The following SMPD3 variants were observed in gnomAD, a reference collection of about 807,000 sequenced individuals.
SMPD3 encodes the protein nSMase-2.
Under a neutral mutation model 55.7 loss-of-function variants are expected in SMPD3, and 21 were observed. That is an observed-to-expected ratio of 0.38 (90% CI 0.27 to 0.54). The LOEUF (loss-of-function observed/expected upper bound fraction) is 0.54. Ranked by LOEUF, SMPD3 falls within the 20% of genes least tolerant of loss-of-function variation. The pLI, the probability that SMPD3 is intolerant of heterozygous loss-of-function variation, is 0.80. For synonymous variants in SMPD3, 457 were observed against 404.3 expected (o/e 1.13, Z -1.56); for missense variants, 842 against 899.6 (o/e 0.94, Z 0.82).
chr16:68,367,165 T>C (rs2089506320), intron 3 of SMPD3, among the ~76,000 whole-genome samples: 1 of 151,990 alleles, frequency 6.6e-6, no homozygotes, highest in African/African-American at 2.4e-5. Context: ...AATGAGACTG[T>C]CTCAAAATAA....
At chr16:68,407,945 A>G (rs2090266950) in intron 1 of SMPD3, among the ~76,000 whole-genome samples, 1 of 152,212 alleles carries the variant, frequency 6.6e-6, no homozygotes, top group African/African-American at 2.4e-5. Context: ...CTTTTACCAA[A>G]AAAGAATTGG....
chr16:68,444,404 G>A (rs1330430377), intron 1 of SMPD3, among the ~76,000 whole-genome samples: 1 of 152,224 alleles, frequency 6.6e-6, no homozygotes. Flanking sequence ...CCACTTGCAT[G>A]CGTGTTCAGA....
rs767027645 is a variant in SMPD3 at position 68,371,179 on chromosome 16, C to T, written c.1003G>A (p.Ala335Thr). Reference protein sequence around the residue: ...YKASVVKKAAARRRRHPDEAF... With the variant: ...YKASVVKKAATRRRRHPDEAF... The stretch of plus-strand genomic sequence containing the variant: ...TCGTCGGGGTGCCGCCTCCTGCGTG[C>T]AGCCGCCTTCTTCACCACCGAGGCC... The change falls in exon 3 of 9, where the codon GCA becomes ACA. Residue 335 changes from alanine to threonine, a missense_variant. By Grantham distance (58) the Ala-to-Thr change is moderately conservative. Around this residue, in one of 2 missense-constraint regions of SMPD3, gnomAD observed 649 missense variants for 643.6 expected, o/e 1.01. Transcript: ENST00000219334. The T allele has an allele frequency of 3.1e-6, 5 of 1,612,750 alleles. No homozygotes were observed. In the Admixed American group the frequency reaches 6.7e-5, roughly 22 times the overall value.
intron 1 of SMPD3, among the ~76,000 whole-genome samples, chr16:68,391,759 G>A (rs983018142): frequency 3.3e-5 from 5 of 152,174 alleles, no homozygotes; most frequent in South Asian, 4.1e-4. Flanking sequence ...GTTATGAACC[G>A]AATGTTTGTG....
chr16:68,379,469 G>A (rs1160770505), intron 2 of SMPD3, among the ~76,000 whole-genome samples: 1 of 152,202 alleles, frequency 6.6e-6, no homozygotes, highest in African/African-American at 2.4e-5. Context: ...TTATCATTTT[G>A]CTATCACTGT....
chr16:68,402,837 T>C (rs2090222752), intron 1 of SMPD3, among the ~76,000 whole-genome samples: 1 of 152,240 alleles, frequency 6.6e-6, no homozygotes, highest in South Asian at 2.1e-4. Context: ...AACCTCCAAC[T>C]GGAATGTCAC....
intron 1 of SMPD3, among the ~76,000 whole-genome samples, chr16:68,435,478 G>T (rs1236444501): frequency 1.4e-5 from 1 of 72,028 alleles, no homozygotes; most frequent in Non-Finnish European, 3.8e-5. Flanking sequence ...TAAACACTCT[G>T]GCATTTTTTT....
chr16:68,385,022 A>G (rs562208070), intron 2 of SMPD3, among the ~76,000 whole-genome samples: 2 of 152,342 alleles, frequency 1.3e-5, no homozygotes, highest in East Asian at 1.9e-4. Context: ...GAGATTGGAC[A>G]TGAGCATCAG....
At chr16:68,390,092 G>A (rs1486221235) in intron 1 of SMPD3, among the ~76,000 whole-genome samples, 1 of 152,176 alleles carries the variant, frequency 6.6e-6, no homozygotes, top group Non-Finnish European at 1.5e-5. Flanking sequence ...GAAACTGAGG[G>A]TTCCTCTCCT....
In SMPD3 at chr16:68,361,143, G is replaced by A. The variant is rs1173968841; in HGVS notation, c.*63C>T. On this transcript the variant is annotated 3_prime_UTR_variant, in exon 9 of 9. Transcript: ENST00000219334. ...CAAGCACCGGGCACTCGATGGAGGG[G>A]ACATGGCCCAGGGATGGGCTGCAGC... is the stretch of plus-strand genomic sequence containing the variant. 3 of 1,478,708 alleles carry A rather than the reference G, an allele frequency of 2.0e-6. No homozygotes were observed. Among genetic ancestry groups the A allele is most frequent in the East Asian group, 2.4e-5 (1 of 42,282 alleles). The allele number at this position is 1,478,708 out of a possible 1,614,324, so 91.6% of individuals were successfully genotyped here.
At chr16:68,383,001 A>G (rs1261890118) in intron 2 of SMPD3, among the ~76,000 whole-genome samples, 1 of 151,870 alleles carries the variant, frequency 6.6e-6, no homozygotes. Flanking sequence ...TGTGCCAGCT[A>G]ATTTTTTTTG....
In SMPD3 at chr16:68,430,649, A is replaced by T. The variant is rs571563533; in HGVS notation, c.-269+17704T>A. On this transcript the variant is annotated intron_variant, in intron 1 of 8. Transcript: ENST00000219334. ...GCCTTCTCCCTCCCCCTGCCCCATC[A>T]CCCCACTGTTCATTATAAAAGCCAA... Among the ~76,000 whole-genome samples, 4 of 152,038 alleles carry T rather than the reference A, an allele frequency of 2.6e-5. No homozygotes were observed. The East Asian group carries it at 7.7e-4, about 29-fold the overall frequency.
chr16:68,366,430 G>A (rs1206563707), intron 3 of SMPD3, among the ~76,000 whole-genome samples: 2 of 152,222 alleles, frequency 1.3e-5, no homozygotes, highest in Non-Finnish European at 2.9e-5. Flanking sequence ...CAGCCCCACA[G>A]GTTCACCATT....
intron 1 of SMPD3, among the ~76,000 whole-genome samples, chr16:68,436,558 G>T (rs2090524444): frequency 6.6e-6 from 1 of 152,174 alleles, no homozygotes; most frequent in African/African-American, 2.4e-5. Flanking sequence ...GCACACAATG[G>T]ATTTTGTTAA....
At chr16:68,390,223 G>A (rs569357107) in intron 1 of SMPD3, among the ~76,000 whole-genome samples, 52 of 152,348 alleles carry the variant, frequency 3.4e-4, no homozygotes, top group African/African-American at 1.1e-3. Flanking sequence ...CATATAATGA[G>A]CAGTGAGGAC....
chr16:68,365,591 C>T (rs1260961644), intron 3 of SMPD3, among the ~76,000 whole-genome samples: 1 of 152,196 alleles, frequency 6.6e-6, no homozygotes, highest in Non-Finnish European at 1.5e-5. Context: ...CAGACCCTGC[C>T]CCTCCTGGCC....
At chr16:68,430,859 G>A (rs1174276729) in intron 1 of SMPD3, among the ~76,000 whole-genome samples, 4 of 152,216 alleles carry the variant, frequency 2.6e-5, no homozygotes, top group South Asian at 2.1e-4. Flanking sequence ...TTGAGTCTTC[G>A]AGAGCATCAT....
intron 1 of SMPD3, among the ~76,000 whole-genome samples, chr16:68,395,556 G>A (rs148360085): frequency 1.3e-5 from 2 of 152,338 alleles, no homozygotes; most frequent in Admixed American, 1.3e-4. Context: ...TTCACCTCAA[G>A]CCATTGAGCA....
At chr16:68,427,754 G>C (rs940096974) in intron 1 of SMPD3, among the ~76,000 whole-genome samples, 3 of 150,690 alleles carry the variant, frequency 2.0e-5, no homozygotes, top group Non-Finnish European at 3.0e-5. Context: ...AAAATGACTG[G>C]GGGGGGGTGC....
Sources: allele counts gnomAD v4.1 joint callset (sites outside exome capture counted in the v4.1 genomes callset), GRCh38; gene constraint gnomAD v4.1.1; regional missense constraint gnomAD v4.1.1; transcripts MANE v1.5; gene names NCBI Gene and HGNC (gene_info 2026-07-23, HGNC 2026-07-21).